The following USB1 variants were observed in gnomAD, a reference collection of about 807,000 sequenced individuals.
USB1 encodes U6 snRNA phosphodiesterase 1.
USB1 carries 21 observed loss-of-function variants against 29.9 expected under a neutral mutation model. The observed-to-expected ratio is 0.70, with a 90% CI of 0.50 to 1.01. USB1 has a LOEUF of 1.01. USB1 is among the 50% of genes least tolerant of loss of function. USB1 has a pLI of 0.00. For synonymous variants in USB1, 143 were observed against 134.9 expected (o/e 1.06, Z -0.42); for missense variants, 330 against 347.1 (o/e 0.95, Z 0.39).
chr16:58,002,932 T>TG (rs1328611513), intron 2 of USB1, among the ~76,000 whole-genome samples: 1 of 152,194 alleles, frequency 6.6e-6, no homozygotes, highest in Non-Finnish European at 1.5e-5. Flanking sequence ...GTCAAGGTCA[T>TG]GCCAGGCACT....
intron 1 of USB1, among the ~76,000 whole-genome samples, chr16:58,002,253 T>C (rs1963234634): frequency 6.6e-6 from 1 of 152,190 alleles, no homozygotes; most frequent in Non-Finnish European, 1.5e-5. Flanking sequence ...ACCACATTGT[T>C]GCATGCCCTG....
intron 2 of USB1, among the ~76,000 whole-genome samples, chr16:58,003,856 A>G (rs934469818): frequency 6.6e-6 from 1 of 152,208 alleles, no homozygotes. Context: ...CCTTTATCAG[A>G]TACGTCTTTT....
chr16:58,019,589 G>A lies in USB1; in HGVS notation c.693+534G>A, dbSNP rs73546975. ...CAAGTTACATGAAGTGGTAAGCGGC[G>A]GCTGATACTCCAGCCCTGGTTGGGG... On this transcript the variant is annotated intron_variant, in intron 6 of 6. Transcript: ENST00000219281. Among the ~76,000 whole-genome samples the A allele has an allele frequency of 4.5e-3, 683 of 152,268 alleles. 7 individuals carry two copies. Among genetic ancestry groups the A allele is most frequent in the African/African-American group, 0.015 (638 of 41,550 alleles).
chr16:58,002,968 G>A (rs909581207), intron 2 of USB1, among the ~76,000 whole-genome samples: 1 of 152,298 alleles, frequency 6.6e-6, no homozygotes, highest in East Asian at 1.9e-4. Context: ...CCCTGGGTAC[G>A]CTGGGTGTGC....
At chr16:58,010,625 T>C in intron 3 of USB1, 1 of 261,940 alleles carries the variant, frequency 3.8e-6, no homozygotes, top group Non-Finnish European at 7.4e-6. Context: ...GTGGACCCTC[T>C]CCTCAGGTTT....
intron 5 of USB1, among the ~76,000 whole-genome samples, chr16:58,018,616 A>C (rs1051738315): frequency 6.6e-6 from 1 of 151,980 alleles, no homozygotes; most frequent in African/African-American, 2.4e-5. Flanking sequence ...AGAGAGAGAG[A>C]GCAGTGCCCA....
At position 58,017,449 on chromosome 16, in the gene USB1, G is replaced by A; in HGVS notation, c.609+10G>A. ...CACCACTTTCTACCAGGTAATGAAT[G>A]GGGCTGCTGCTTCTCCATTGACCCA... On this transcript the variant is annotated intron_variant, in intron 5 of 6. Coordinates refer to ENST00000219281, the MANE Select transcript of USB1 (RefSeq NM_024598.4). The A allele has an allele frequency of 6.2e-7, 1 of 1,608,092 alleles. No homozygotes were observed. Among genetic ancestry groups the A allele is most frequent in the Non-Finnish European group, 8.5e-7 (1 of 1,174,564 alleles).
chr16:58,008,645 G>A (rs984105069), intron 2 of USB1, among the ~76,000 whole-genome samples: 1 of 151,752 alleles, frequency 6.6e-6, no homozygotes, highest in Non-Finnish European at 1.5e-5. Flanking sequence ...TAGAGACGGG[G>A]TGTCACCATA....
At chr16:58,002,761 T>A (rs1963259358) in intron 2 of USB1, 116 bp downstream of exon 2, 5 of 1,406,118 alleles carry the variant, frequency 3.6e-6, no homozygotes, top group Non-Finnish European at 4.9e-6. Flanking sequence ...ACACTGGTGG[T>A]GGGAAAGTCA....
chr16:58,012,550 T>C, intron 3 of USB1: 1 of 1,384,688 alleles, frequency 7.2e-7, no homozygotes, highest in Non-Finnish European at 9.5e-7. Flanking sequence ...ATCTCCCGGC[T>C]AATGGTGTAC....
chr16:58,000,244 G>A (rs553727650), upstream of USB1, among the ~76,000 whole-genome samples: 5 of 152,178 alleles, frequency 3.3e-5, no homozygotes, highest in Admixed American at 1.3e-4. This position sits in a 1 kb window ranked among gnomAD's most constrained non-coding sequence, Gnocchi z 4.5. Flanking sequence ...CCCAGGAAGC[G>A]GCTGCGCCTC....
chr16:58,003,885 C>T (rs4784879), intron 2 of USB1, among the ~76,000 whole-genome samples: 92,161 of 151,902 alleles, frequency 0.61, 28,833 homozygotes, highest in Middle Eastern at 0.71. Context: ...ATTTTTTTCC[C>T]AGCCAGTCGC....
At position 58,010,101 on chromosome 16, in the gene USB1, C is replaced by G. The variant is rs1374617336; in HGVS notation, c.438C>G (p.Thr146=). The stretch of plus-strand genomic sequence containing the variant: ...TGCAGGCTCTGAAAGCCCGTATGAC[C>G]TCCTTCCACAGGTGAGTGCTTCTTC... ...PFVQALKARM[T]SFHRFFFTAN... Residue 146 remains threonine (T), a synonymous_variant, in exon 3 of 7, where the codon ACC becomes ACG. Transcript: ENST00000219281. The G allele has an allele frequency of 1.9e-6, 3 of 1,614,018 alleles. No homozygotes were observed. The African/African-American group carries it at 4.0e-5, about 22-fold the overall frequency.
At position 58,020,409 on chromosome 16, in the gene USB1, ATT is replaced by A. The variant is rs928179104; in HGVS notation, c.*165_*166del. On this transcript the variant is annotated 3_prime_UTR_variant, in exon 7 of 7. Coordinates refer to ENST00000219281, the MANE Select transcript of USB1 (RefSeq NM_024598.4). Reference sequence around the variant, plus strand: ...CTCCTCATCCTCCCTGAGTGCTGATATTCTCTCTCTCTCTTTCTCTTCCTCTT... The same window carrying A: ...CTCCTCATCCTCCCTGAGTGCTGATACTCTCTCTCTCTTTCTCTTCCTCTT... The A allele has an allele frequency of 2.2e-5, 15 of 681,572 alleles. No individual in the cohort carries two copies. Among genetic ancestry groups the A allele is most frequent in the Admixed American group, 2.1e-4 (10 of 46,564 alleles). The allele number at this position is 681,572 out of a possible 1,614,324, so 42.2% of individuals were successfully genotyped here. A position where few individuals can be genotyped will look rare whatever the true frequency, so the allele number is the denominator to read the frequency against.
At position 58,013,052 on chromosome 16, in the gene USB1, G is replaced by T. The variant is rs1597052032; in HGVS notation, c.450-1221G>T. 1 of 985,596 alleles carries T rather than the reference G, an allele frequency of 1.0e-6. No homozygotes were observed. Among genetic ancestry groups the T allele is most frequent in the Non-Finnish European group, 1.2e-6 (1 of 830,076 alleles). The allele number at this position is 985,596 out of a possible 1,614,324, so 61.1% of individuals were successfully genotyped here. A position where few individuals can be genotyped will look rare whatever the true frequency, so the allele number is the denominator to read the frequency against. ...CATGAGTGAAGCCCGGGCAGGTGTGGTCTGTTCAACTTTGATCATCTGGTT... is the reference window on the plus strand; with the variant it reads ...CATGAGTGAAGCCCGGGCAGGTGTGTTCTGTTCAACTTTGATCATCTGGTT... On this transcript the variant is annotated intron_variant, in intron 3 of 6. Coordinates refer to ENST00000219281, the MANE Select transcript of USB1 (RefSeq NM_024598.4). The surrounding 1 kb of genome is among the most constrained non-coding windows in gnomAD (Gnocchi z 4.3).
At chr16:58,012,477 C>G in intron 3 of USB1, 1 of 1,169,354 alleles carries the variant, frequency 8.6e-7, no homozygotes, top group East Asian at 2.6e-5. Flanking sequence ...GTCACCACCA[C>G]AGGCAGACTG....
Position 58,011,046 on chromosome 16 carries a change from G to T in USB1, c.449+934G>T, listed in dbSNP as rs1456565967. 5.4e-6 allele frequency: 4 copies of T among 746,434 alleles called. 1 individual carries two copies. The highest frequency in any genetic ancestry group is 9.4e-6 in the Non-Finnish European group (4 of 425,504). 46.2% of individuals were successfully genotyped at this position (746,434 alleles called of 1,614,324 possible). On this transcript the variant is annotated intron_variant, in intron 3 of 6. Transcript: ENST00000219281. ...CCATCCAGGACCTCATTGCCTCATT[G>T]GAACCAAAGATGCCCCTGTCACCCA...
chr16:58,019,944 A>G (rs1002648049), intron 6 of USB1, among the ~76,000 whole-genome samples, 197 bp from the exon 7 acceptor site: 3 of 151,978 alleles, frequency 2.0e-5, no homozygotes, highest in African/African-American at 7.3e-5. Context: ...CTGTGTCCTC[A>G]TCTGTAAAGT....
chr16:58,003,071 C>A (rs1963268579), intron 2 of USB1, among the ~76,000 whole-genome samples: 1 of 152,160 alleles, frequency 6.6e-6, no homozygotes, highest in Non-Finnish European at 1.5e-5. Context: ...GCCCACTACT[C>A]TGGGTGCCCT....
Sources: gnomAD v4.1 joint callset for allele counts (sites outside exome capture counted in the v4.1 genomes callset) on GRCh38, gnomAD v4.1.1 for gene constraint, Gnocchi (gnomAD v3.1) non-coding constraint, MANE v1.5 for transcripts, NCBI Gene and HGNC (gene_info 2026-07-23, HGNC 2026-07-21) for gene names.